The following ZCCHC17 variants were observed in gnomAD, a reference collection of about 807,000 sequenced individuals.
The protein encoded by ZCCHC17 is zinc finger CCHC domain-containing protein 17.
A neutral mutation model predicts 30.6 loss-of-function variants in ZCCHC17; 18 were observed. The ratio of observed to expected loss-of-function variants is 0.59; its 90% CI spans 0.41 to 0.87. The LOEUF is 0.87. Ranked by LOEUF, ZCCHC17 falls within the 40% of genes least tolerant of loss-of-function variation. The pLI, the probability that ZCCHC17 is intolerant of heterozygous loss-of-function variation, is 0.00. For synonymous variants in ZCCHC17, 88 were observed against 92.4 expected, an observed-to-expected ratio of 0.95 and a Z score of 0.27; for missense variants, 263 against 284.2, an observed-to-expected ratio of 0.93 and a Z score of 0.54.
At chr1:31,344,104 C>T (rs1181513098) in intron 5 of ZCCHC17, among the ~76,000 whole-genome samples, 1 of 151,916 alleles carries the variant, frequency 6.6e-6, no homozygotes, top group Non-Finnish European at 1.5e-5. Context: ...ATCTTCCTGT[C>T]TCGGCCTCCC....
chr1:31,302,002 C>T (rs1453688194), intron 1 of ZCCHC17, among the ~76,000 whole-genome samples: 1 of 152,092 alleles, frequency 6.6e-6, no homozygotes, highest in Non-Finnish European at 1.5e-5. Flanking sequence ...CCGAGGCGAG[C>T]AGATCACTTG....
At chr1:31,342,463 G>T (rs1300769565) in intron 5 of ZCCHC17, among the ~76,000 whole-genome samples, 1 of 152,218 alleles carries the variant, frequency 6.6e-6, no homozygotes, top group Non-Finnish European at 1.5e-5. Flanking sequence ...GACTACTTTT[G>T]TGGAAGACCA....
At chr1:31,346,972 A>AC (rs1639297583) in intron 6 of ZCCHC17, among the ~76,000 whole-genome samples, 1 of 151,688 alleles carries the variant, frequency 6.6e-6, no homozygotes, top group Admixed American at 6.6e-5. Flanking sequence ...CACTCCTCCC[A>AC]CCCCACCCAC....
At chr1:31,357,820 A>T (rs1300929646) in intron 7 of ZCCHC17, among the ~76,000 whole-genome samples, 1 of 149,224 alleles carries the variant, frequency 6.7e-6, no homozygotes, top group African/African-American at 2.5e-5. Context: ...CAATGGTGCG[A>T]TCTCAGCTCA....
chr1:31,309,034 TTTA>T (rs1264825019), intron 1 of ZCCHC17, among the ~76,000 whole-genome samples: 1 of 152,236 alleles, frequency 6.6e-6, no homozygotes, highest in Admixed American at 6.5e-5. Context: ...TTTCATTTTC[TTTA>T]TTATTAATGT....
At chr1:31,345,657 G>A (rs954491117) in intron 5 of ZCCHC17, among the ~76,000 whole-genome samples, 1 of 127,326 alleles carries the variant, frequency 7.9e-6, no homozygotes, top group Non-Finnish European at 1.7e-5. Context: ...TTGACTTATA[G>A]TTCCACTGCC....
At chr1:31,351,456 T>A (rs1380181275) in intron 7 of ZCCHC17, among the ~76,000 whole-genome samples, 3 of 151,828 alleles carry the variant, frequency 2.0e-5, no homozygotes, top group African/African-American at 7.3e-5. Flanking sequence ...TTTTTTTTTT[T>A]AAAGCACCTT....
chr1:31,348,776 T>C (rs1639363987), intron 6 of ZCCHC17, 53 bp from the exon 7 acceptor site: 1 of 1,607,352 alleles, frequency 6.2e-7, no homozygotes, highest in Non-Finnish European at 8.5e-7. Context: ...ATTCACTTGC[T>C]GAGAAGAGAG....
chr1:31,337,102 C>G (rs1314080323), intron 3 of ZCCHC17, 73 bp from the exon 4 acceptor site: 2 of 1,384,008 alleles, frequency 1.4e-6, no homozygotes, highest in Non-Finnish European at 2.0e-6. Flanking sequence ...CAACTCTTAC[C>G]TTCTTATCCA....
chr1:31,320,019 A>G (rs1235844148), intron 3 of ZCCHC17, among the ~76,000 whole-genome samples: 1 of 152,218 alleles, frequency 6.6e-6, no homozygotes, highest in Non-Finnish European at 1.5e-5. Context: ...AAGAGCTAAT[A>G]CAAAGGGGGT....
At chr1:31,349,789 G>A (rs10798845) in intron 7 of ZCCHC17, among the ~76,000 whole-genome samples, 82,617 of 151,954 alleles carry the variant, frequency 0.54, 23,348 homozygotes, top group Non-Finnish European at 0.62. Context: ...CTTGATTTAA[G>A]AGCAACATAA....
intron 7 of ZCCHC17, among the ~76,000 whole-genome samples, chr1:31,352,434 A>G (rs553247246): frequency 6.6e-6 from 1 of 152,268 alleles, no homozygotes; most frequent in South Asian, 2.1e-4. Context: ...CATCTGCATC[A>G]TAGCATATGT....
chr1:31,311,475 C>T (rs1380738158), intron 2 of ZCCHC17, among the ~76,000 whole-genome samples: 1 of 152,188 alleles, frequency 6.6e-6, no homozygotes, highest in Non-Finnish European at 1.5e-5. Context: ...GCTGCTATAA[C>T]AAAATACCTG....
At chr1:31,336,423 TA>T (rs1638820247) in intron 3 of ZCCHC17, among the ~76,000 whole-genome samples, 2 of 152,256 alleles carry the variant, frequency 1.3e-5, no homozygotes, top group African/African-American at 4.8e-5. Context: ...TACCAACTTA[TA>T]TTTCTATCAG....
intron 7 of ZCCHC17, among the ~76,000 whole-genome samples, chr1:31,359,129 T>TTTTG (rs1025380931): frequency 6.6e-6 from 1 of 152,150 alleles, no homozygotes; most frequent in Non-Finnish European, 1.5e-5. Context: ...TTACTGGTAA[T>TTTTG]TTTGTTTGTT....
chr1:31,340,079 A>G (rs1638983684), intron 5 of ZCCHC17, among the ~76,000 whole-genome samples: 1 of 143,964 alleles, frequency 6.9e-6, no homozygotes, highest in Non-Finnish European at 1.5e-5. Context: ...ACCTCAGCCT[A>G]CCGAGTAGCT....
chr1:31,343,764 C>G (rs1639135345), intron 5 of ZCCHC17, among the ~76,000 whole-genome samples: 1 of 145,652 alleles, frequency 6.9e-6, no homozygotes, highest in Non-Finnish European at 1.5e-5. Flanking sequence ...ACTACAACCT[C>G]AAATTCCTAG....
intron 1 of ZCCHC17, among the ~76,000 whole-genome samples, chr1:31,297,593 G>A (rs1007624909): frequency 2.6e-5 from 4 of 152,166 alleles, no homozygotes; most frequent in Non-Finnish European, 5.9e-5. Flanking sequence ...CGCGTTGGGG[G>A]TATGTTGTGA....
chr1:31,315,424 A>T (rs1569782893), intron 2 of ZCCHC17, among the ~76,000 whole-genome samples: 1 of 152,196 alleles, frequency 6.6e-6, no homozygotes, highest in South Asian at 2.1e-4. Flanking sequence ...TCCTCTGAGA[A>T]GCATGTTGGT....
Sources: gnomAD v4.1 joint callset for allele counts (sites outside exome capture counted in the v4.1 genomes callset) on GRCh38, gnomAD v4.1.1 for gene constraint, MANE v1.5 for transcripts, NCBI Gene and HGNC (gene_info 2026-07-23, HGNC 2026-07-21) for gene names.